RANBP17: variants seen among roughly 807,000 people sequenced by gnomAD.
RANBP17 encodes the protein RAN binding protein 17.
In RANBP17, 158 loss-of-function variants were observed where a neutral mutation model predicts 141.2. The ratio of observed to expected loss-of-function variants is 1.12; its 90% CI spans 0.98 to 1.28. RANBP17 has a LOEUF of 1.28. RANBP17 is among the 50% of genes most tolerant of loss of function. The probability of loss-of-function intolerance (pLI) is 0.00; values close to 1 mark genes in which losing one functional copy is unlikely to be tolerated. For missense variants in RANBP17, 1,438 were observed against 1,290.7 expected (o/e 1.11, Z -1.75); for synonymous variants, 430 against 450.0 (o/e 0.96, Z 0.56).
intron 1 of RANBP17, among the ~76,000 whole-genome samples, chr5:170,865,713 A>G (rs1050369387): frequency 6.6e-6 from 1 of 152,214 alleles, no homozygotes; most frequent in Non-Finnish European, 1.5e-5. Flanking sequence ...GGCAGAGTCC[A>G]CAAGACTGCC....
At chr5:171,136,790 C>T (rs1395551580) in intron 14 of RANBP17, among the ~76,000 whole-genome samples, 2 of 152,126 alleles carry the variant, frequency 1.3e-5, no homozygotes, top group Non-Finnish European at 2.9e-5. Context: ...TAATTTTCCG[C>T]TTGATGTACA....
intron 24 of RANBP17, chr5:171,251,756 C>T (rs1377835256): frequency 1.1e-6 from 1 of 891,988 alleles, no homozygotes; most frequent in Non-Finnish European, 1.8e-6. Flanking sequence ...GCCCCGTTCC[C>T]CTCCTCCCGC....
intron 14 of RANBP17, among the ~76,000 whole-genome samples, chr5:171,056,269 A>G (rs1272843925): frequency 1.3e-5 from 2 of 152,154 alleles, no homozygotes; most frequent in Non-Finnish European, 2.9e-5. Flanking sequence ...CACAGTCTCC[A>G]AAGTTACCAG....
At chr5:171,282,911 C>A (rs1233121948) in intron 25 of RANBP17, among the ~76,000 whole-genome samples, 3 of 152,090 alleles carry the variant, frequency 2.0e-5, no homozygotes, top group African/African-American at 4.8e-5. Flanking sequence ...TTAATGGCAC[C>A]CCATTTCCTG....
chr5:171,099,065 C>A (rs575062467), intron 14 of RANBP17, among the ~76,000 whole-genome samples: 1 of 152,188 alleles, frequency 6.6e-6, no homozygotes, highest in East Asian at 1.9e-4. Flanking sequence ...CAGCTTTGTT[C>A]TTTTTGCTTA....
At chr5:171,042,435 T>C (rs1468913915) in intron 14 of RANBP17, among the ~76,000 whole-genome samples, 1 of 152,186 alleles carries the variant, frequency 6.6e-6, no homozygotes, top group African/African-American at 2.4e-5. Context: ...CATGTCATTA[T>C]ATAGTGCATG....
At chr5:171,080,042 A>G (rs1785167600) in intron 14 of RANBP17, among the ~76,000 whole-genome samples, 1 of 151,732 alleles carries the variant, frequency 6.6e-6, no homozygotes, top group Non-Finnish European at 1.5e-5. Flanking sequence ...TCCTGATAAC[A>G]TTTTTTTTAC....
intron 20 of RANBP17, chr5:171,206,269 A>C (rs1158978758): frequency 1.9e-5 from 3 of 158,594 alleles, no homozygotes; most frequent in African/African-American, 7.2e-5. Context: ...AACCTTGGCA[A>C]GTCATTTCAC....
intron 14 of RANBP17, among the ~76,000 whole-genome samples, chr5:171,120,277 C>G (rs1755938618): frequency 6.6e-6 from 1 of 152,184 alleles, no homozygotes; most frequent in Non-Finnish European, 1.5e-5. Context: ...GCCAGCACAG[C>G]ATTGTGCCTT....
intron 14 of RANBP17, among the ~76,000 whole-genome samples, chr5:171,132,529 TCTAG>T (rs1259503023): frequency 6.6e-6 from 1 of 151,834 alleles, no homozygotes; most frequent in Non-Finnish European, 1.5e-5. Flanking sequence ...TCAAGACCAG[TCTAG>T]GGACATAGGG....
chr5:171,140,703 G>A (rs1329842499), intron 14 of RANBP17, among the ~76,000 whole-genome samples: 2 of 152,090 alleles, frequency 1.3e-5, no homozygotes, highest in African/African-American at 4.8e-5. Context: ...TTATTGTGGT[G>A]GTAGTTACAC....
intron 13 of RANBP17, among the ~76,000 whole-genome samples, chr5:170,957,174 A>G (rs532998146): frequency 2.0e-5 from 3 of 152,234 alleles, no homozygotes; most frequent in East Asian, 1.9e-4. Context: ...ATATTTGCCA[A>G]TGAGAAACAA....
At chr5:171,053,837 A>G (rs1783134475) in intron 14 of RANBP17, among the ~76,000 whole-genome samples, 1 of 136,178 alleles carries the variant, frequency 7.3e-6, no homozygotes, top group Admixed American at 7.8e-5. Context: ...ATTGAATGTG[A>G]TGTTAGCTTT....
At chr5:171,067,746 A>G (rs1784393974) in intron 14 of RANBP17, among the ~76,000 whole-genome samples, 2 of 151,944 alleles carry the variant, frequency 1.3e-5, no homozygotes, top group South Asian at 4.1e-4. Flanking sequence ...CTGATGAGAA[A>G]CCTGCTGTTA....
chr5:170,935,887 C>T (rs1189458787), intron 12 of RANBP17, among the ~76,000 whole-genome samples: 1 of 152,194 alleles, frequency 6.6e-6, no homozygotes, highest in Non-Finnish European at 1.5e-5. Flanking sequence ...TGCCCTGCCC[C>T]TAGAGGTGGA....
chr5:170,952,689 A>AAC (rs1451942421), intron 12 of RANBP17, among the ~76,000 whole-genome samples: 1 of 152,080 alleles, frequency 6.6e-6, no homozygotes, highest in Non-Finnish European at 1.5e-5. Flanking sequence ...CTTAATCAGA[A>AAC]ACAATTGATT....
chr5:171,107,310 A>T (rs1754915130), intron 14 of RANBP17, among the ~76,000 whole-genome samples: 4 of 152,164 alleles, frequency 2.6e-5, no homozygotes, highest in Non-Finnish European at 5.9e-5. Flanking sequence ...GTATCACATG[A>T]TATGTTCAGA....
chr5:171,231,513 T>TC lies in RANBP17; in HGVS notation c.2423-9411dup, dbSNP rs566237684. ...TAATATTCAGTCTAGGACAAGACAT[T>TC]CCCCAATACCTAATTCTATTGTTTG... On this transcript the variant is annotated intron_variant, in intron 22 of 27. Transcript: ENST00000523189. 3.7e-3 allele frequency among the ~76,000 whole-genome samples: 570 copies of TC among 152,284 alleles called. 2 individuals carry two copies. Among genetic ancestry groups the TC allele is most frequent in the African/African-American group, 0.012 (519 of 41,548 alleles).
chr5:171,214,097 G>A (rs1763072452), intron 21 of RANBP17, among the ~76,000 whole-genome samples: 1 of 152,176 alleles, frequency 6.6e-6, no homozygotes, highest in African/African-American at 2.4e-5. Flanking sequence ...AAGTTTAGAG[G>A]TCTCTGAGTT....
Sources: gnomAD v4.1 joint callset for allele counts (sites outside exome capture counted in the v4.1 genomes callset) on GRCh38, gnomAD v4.1.1 for gene constraint, MANE v1.5 for transcripts, NCBI Gene and HGNC (gene_info 2026-07-23, HGNC 2026-07-21) for gene names.